Variants in BIN3 observed in about 807,000 individuals in gnomAD.
BIN3 encodes bridging integrator 3.
In BIN3, 41 loss-of-function variants were observed where a neutral mutation model predicts 38.2. The ratio of observed to expected loss-of-function variants is 1.07; its 90% CI spans 0.84 to 1.39. The LOEUF is 1.39. Among genes scored for constraint, BIN3 ranks in the 40% most tolerant of loss-of-function variants. The pLI is 0.00. For missense variants in BIN3, 361 were observed against 324.3 expected, an observed-to-expected ratio of 1.11 and a Z score of -0.87; for synonymous variants, 145 against 122.6, an observed-to-expected ratio of 1.18 and a Z score of -1.21.
At chr8:22,630,811 T>C (rs1802170772) in intron 4 of BIN3, among the ~76,000 whole-genome samples, 1 of 152,196 alleles carries the variant, frequency 6.6e-6, no homozygotes, top group African/African-American at 2.4e-5. Context: ...CCGCTTTACC[T>C]GTTCTCCAAA....
rs80247768 is a variant in BIN3 at position 22,621,595 on chromosome 8, G to A, written c.616-27C>T. On this transcript the variant is annotated intron_variant, in intron 8 of 8. Coordinates refer to ENST00000276416, the MANE Select transcript of BIN3 (RefSeq NM_018688.6). ...TGGGGGAGGCGACAGGGGTTGGCAC[G>A]TGCTGGCTCCAGGGAACCGTGTGCT... is the stretch of plus-strand genomic sequence containing the variant. 10,585 of 1,610,374 alleles carry A rather than the reference G, an allele frequency of 6.6e-3. 503 individuals are homozygous for A. In the African/African-American group the frequency reaches 0.11, roughly 17 times the overall value.
At chr8:22,660,779 C>T (rs1212619479) in intron 1 of BIN3, among the ~76,000 whole-genome samples, 2 of 152,350 alleles carry the variant, frequency 1.3e-5, no homozygotes, top group African/African-American at 4.8e-5. Flanking sequence ...CAAATTCTAA[C>T]GAAGCCATGC....
At chr8:22,623,445 T>C (rs1184146920) in intron 8 of BIN3, among the ~76,000 whole-genome samples, 1 of 152,046 alleles carries the variant, frequency 6.6e-6, no homozygotes, top group Non-Finnish European at 1.5e-5. Context: ...GGAGCCCCCT[T>C]CCTTAGTGGT....
At chr8:22,626,008 G>T (rs1366143527) in intron 6 of BIN3, 1 of 152,502 alleles carries the variant, frequency 6.6e-6, no homozygotes, top group African/African-American at 2.4e-5. Context: ...AACTAAGTCA[G>T]ACCCAGGGAG....
chr8:22,625,187 C>T, intron 6 of BIN3: 1 of 635,572 alleles, frequency 1.6e-6, no homozygotes, highest in Non-Finnish European at 2.9e-6. Context: ...TGCAGGTCCA[C>T]ACCGGCCTCG....
chr8:22,655,737 T>C (rs1370758762), intron 1 of BIN3, among the ~76,000 whole-genome samples: 1 of 152,246 alleles, frequency 6.6e-6, no homozygotes, highest in African/African-American at 2.4e-5. Flanking sequence ...ATTTTGACTA[T>C]TGTGTGTCCC....
Position 22,630,553 on chromosome 8 carries a change from T to C in BIN3, c.186A>G (p.Ile62Met), listed in dbSNP as rs771775272. 1.2e-6 allele frequency: 2 copies of C among 1,613,852 alleles called. No homozygotes were observed. The highest frequency in any genetic ancestry group is 4.5e-5 in the East Asian group (2 of 44,896). Residue 62 changes from isoleucine (I) to methionine (M), a missense_variant, in exon 5 of 9, where the codon ATA (isoleucine) becomes ATG (methionine). By Grantham distance (10) the Ile-to-Met change is conservative. Coordinates refer to ENST00000276416, the MANE Select transcript of BIN3 (RefSeq NM_018688.6). ...DLAMSKSAVKISLDLLSNPLC... is the reference protein window; with the variant it reads ...DLAMSKSAVKMSLDLLSNPLC... ...GGGGATTGGAGAGTAAGTCCAAGGA[T>C]ATCTTCACGGCAGATTTTGACATGG...
At position 22,659,983 on chromosome 8, in the gene BIN3, C is replaced by A. The variant is rs901949213; in HGVS notation, c.8+9061G>T. 2.6e-5 allele frequency among the ~76,000 whole-genome samples: 4 copies of A among 152,230 alleles called. No individual in the cohort carries two copies. The East Asian group carries it at 7.7e-4, about 29-fold the overall frequency. On this transcript the variant is annotated intron_variant, in intron 1 of 8. Coordinates refer to ENST00000276416, the MANE Select transcript of BIN3 (RefSeq NM_018688.6). The stretch of plus-strand genomic sequence containing the variant: ...ACAGAGATTAAGTATACTCACCCCC[C>A]AAGAATGGTTAGGAAACCTGAAATT...
At chr8:22,628,174 C>T (rs893820959) in intron 6 of BIN3, among the ~76,000 whole-genome samples, 2 of 152,210 alleles carry the variant, frequency 1.3e-5, no homozygotes, top group Non-Finnish European at 2.9e-5. Context: ...GAGCTTCCAC[C>T]CACCAGGAAA....
At chr8:22,665,362 C>T (rs1803382998) in intron 1 of BIN3, among the ~76,000 whole-genome samples, 2 of 152,180 alleles carry the variant, frequency 1.3e-5, no homozygotes, top group African/African-American at 4.8e-5. Flanking sequence ...TAAACACTTC[C>T]TGACTGCCAG....
chr8:22,637,392 C>A (rs368000343), intron 2 of BIN3, among the ~76,000 whole-genome samples: 133 of 152,318 alleles, frequency 8.7e-4, no homozygotes, highest in African/African-American at 3.0e-3. Flanking sequence ...CAGGTCCATG[C>A]AGGGCACCTC....
At chr8:22,667,554 G>A (rs752690667) in intron 1 of BIN3, among the ~76,000 whole-genome samples, 1 of 152,168 alleles carries the variant, frequency 6.6e-6, no homozygotes, top group Non-Finnish European at 1.5e-5. Flanking sequence ...AAGACTGGGG[G>A]GCCCAGAATG....
intron 3 of BIN3, 160 bp from the exon 4 acceptor site, chr8:22,636,746 GTGAA>G: frequency 1.0e-6 from 1 of 983,418 alleles, no homozygotes; most frequent in Non-Finnish European, 1.5e-6. Flanking sequence ...AAGGCTATGA[GTGAA>G]TGACTCTCAC....
chr8:22,652,549 C>T (rs537885334), intron 1 of BIN3, among the ~76,000 whole-genome samples: 1 of 152,204 alleles, frequency 6.6e-6, no homozygotes, highest in Non-Finnish European at 1.5e-5. Flanking sequence ...TGTGCCTTGG[C>T]ACTCTGAGGG....
intron 5 of BIN3, 99 bp downstream of exon 5, chr8:22,630,343 G>A (rs757994252): frequency 7.3e-6 from 11 of 1,496,722 alleles, no homozygotes; most frequent in Non-Finnish European, 9.1e-6. Flanking sequence ...AGAGCCCTGA[G>A]AGCAGAGGGA....
chr8:22,643,501 GTCTC>G (rs1802626991), intron 2 of BIN3, among the ~76,000 whole-genome samples: 1 of 152,196 alleles, frequency 6.6e-6, no homozygotes, highest in Non-Finnish European at 1.5e-5. Flanking sequence ...TAGAGTCGGG[GTCTC>G]TCTTTGTTGC....
chr8:22,668,719 T>C (rs532498393), intron 1 of BIN3, among the ~76,000 whole-genome samples: 1 of 152,132 alleles, frequency 6.6e-6, no homozygotes, highest in Non-Finnish European at 1.5e-5. Context: ...CGACACTGAC[T>C]CCACCTCAAT....
intron 4 of BIN3, chr8:22,634,613 C>A: frequency 2.2e-6 from 1 of 446,318 alleles, no homozygotes; most frequent in South Asian, 1.6e-5. Flanking sequence ...CAAGTAGGAG[C>A]ACACTGGTCC....
chr8:22,656,923 G>A (rs2117587891), intron 1 of BIN3, among the ~76,000 whole-genome samples: 1 of 152,312 alleles, frequency 6.6e-6, no homozygotes, highest in African/African-American at 2.4e-5. Flanking sequence ...TCTGATGTGT[G>A]AATGTCCTGC....
Sources: allele counts gnomAD v4.1 joint callset (sites outside exome capture counted in the v4.1 genomes callset), GRCh38; gene constraint gnomAD v4.1.1; transcripts MANE v1.5; gene names NCBI Gene and HGNC (gene_info 2026-07-23, HGNC 2026-07-21).